The following SOS2 variants were observed in gnomAD, a reference collection of about 807,000 sequenced individuals.
SOS2 encodes SOS Ras/Rho guanine nucleotide exchange factor 2, also known as son of sevenless homolog 2.
A neutral mutation model predicts 148.2 loss-of-function variants in SOS2; 65 were observed. The ratio of observed to expected loss-of-function variants is 0.44; its 90% CI spans 0.36 to 0.54. The LOEUF is 0.54. Ranked by LOEUF, SOS2 falls within the 20% of genes least tolerant of loss-of-function variation. SOS2 has a pLI of 0.00. For missense variants in SOS2, 1,341 were observed against 1,590.2 expected (o/e 0.84, Z 2.67); for synonymous variants, 539 against 537.1 (o/e 1.00, Z -0.05).
In SOS2 at chr14:50,120,291, T is replaced by C; in HGVS notation, c.3473A>G (p.Asp1158Gly). 5 of 1,580,162 alleles carry C rather than the reference T, an allele frequency of 3.2e-6. No individual in the cohort carries two copies. The highest frequency in any genetic ancestry group is 1.1e-5 in the South Asian group (1 of 89,450). The change falls in exon 22 of 23, where the codon GAT (aspartate) becomes GGT (glycine). Residue 1158 changes from aspartate (D) to glycine (G), a missense_variant. Asp to Gly is a moderately conservative substitution (Grantham distance 94). Coordinates refer to ENST00000216373, the MANE Select transcript of SOS2 (RefSeq NM_006939.4). Reference protein sequence around the residue: ...PLPPRKKFDHDASNSKGNMKS... With the variant: ...PLPPRKKFDHGASNSKGNMKS... ...GTTGATTACCTTGGAATTTGAAGCA[T>C]CATGATCAAACTTTTTTCGAGGAGG...
intron 18 of SOS2, among the ~76,000 whole-genome samples, chr14:50,138,183 G>A (rs1884147683): frequency 6.6e-6 from 1 of 150,804 alleles, no homozygotes; most frequent in South Asian, 2.1e-4. Flanking sequence ...TGAGACAGAA[G>A]TCTTACTGTG....
intron 13 of SOS2, among the ~76,000 whole-genome samples, chr14:50,151,735 GTTTAT>G (rs779736302): frequency 2.8e-4 from 43 of 151,906 alleles, no homozygotes; most frequent in Non-Finnish European, 4.7e-4. Flanking sequence ...TTTGTTTTTT[GTTTAT>G]TTTGAGACAG....
At chr14:50,141,060 C>A (rs1214683778) in intron 16 of SOS2, among the ~76,000 whole-genome samples, 1 of 151,436 alleles carries the variant, frequency 6.6e-6, no homozygotes. Context: ...AAAAATTAGC[C>A]GGGCGTGGTG....
intron 1 of SOS2, chr14:50,215,562 C>G: frequency 1.1e-6 from 1 of 946,058 alleles, no homozygotes; most frequent in Middle Eastern, 2.7e-4. Context: ...CAAGTCAGAC[C>G]TGTATTTTAG....
In SOS2 at chr14:50,129,927, C is replaced by T. The variant is rs777063804; in HGVS notation, c.3379+34G>A. 3.0e-6 allele frequency: 4 copies of T among 1,344,996 alleles called. No individual in the cohort carries two copies. The African/African-American group carries it at 5.8e-5, about 20-fold the overall frequency. The allele number at this position is 1,344,996 out of a possible 1,614,324, so 83.3% of individuals were successfully genotyped here. A position where few individuals can be genotyped will look rare whatever the true frequency, so the allele number is the denominator to read the frequency against. On this transcript the variant is annotated intron_variant, in intron 21 of 22. Transcript: ENST00000216373. ...TCAACCAGATTATTATCTTTACAGT[C>T]ATTTCATTAAGAATCAACTTAAATT...
chr14:50,191,089 A>T (rs1886119479), intron 4 of SOS2, among the ~76,000 whole-genome samples: 1 of 152,084 alleles, frequency 6.6e-6, no homozygotes. Context: ...TCTAGTGTCA[A>T]ATCTAATGGT....
chr14:50,167,652 T>C (rs1431701503), intron 8 of SOS2, among the ~76,000 whole-genome samples: 1 of 152,126 alleles, frequency 6.6e-6, no homozygotes, highest in Non-Finnish European at 1.5e-5. Flanking sequence ...GAGGATCACC[T>C]GAAATCAGGA....
chr14:50,161,543 T>C lies in SOS2; in HGVS notation c.1135A>G (p.Met379Val). The change falls in exon 9 of 23, where the codon ATG becomes GTG. Residue 379 changes from methionine (M) to valine (V), a missense_variant. Physicochemically the swap from Met to Val is conservative, Grantham distance 21 (BLOSUM62 1). Around this residue, in one of 4 missense-constraint regions of SOS2, gnomAD observed 574 missense variants for 711.1 expected, o/e 0.81. Transcript: ENST00000216373. ...ECLNQAITAL[M>V]NLQGSMDRIY... ...CGGTCCATGCTACCTTGGAGATTCATGAGAGCAGTAATAGCTTGGTTCAAA... is the reference window on the plus strand; with the variant it reads ...CGGTCCATGCTACCTTGGAGATTCACGAGAGCAGTAATAGCTTGGTTCAAA... 1 of 1,610,656 alleles carries C rather than the reference T, an allele frequency of 6.2e-7. No homozygotes were observed. The highest frequency in any genetic ancestry group is 8.5e-7 in the Non-Finnish European group (1 of 1,176,900).
intron 18 of SOS2, among the ~76,000 whole-genome samples, chr14:50,136,676 G>C (rs910028955): frequency 8.0e-5 from 12 of 149,594 alleles, no homozygotes; most frequent in African/African-American, 2.7e-4. Context: ...TGCAACATTT[G>C]CCTTCTGGGT....
intron 1 of SOS2, among the ~76,000 whole-genome samples, chr14:50,217,861 CA>C (rs1887080247): frequency 6.6e-6 from 1 of 151,966 alleles, no homozygotes; most frequent in East Asian, 1.9e-4. Flanking sequence ...GAGGCTGAGG[CA>C]GGAGAATGGT....
chr14:50,136,307 G>C (rs1466139671), intron 18 of SOS2, among the ~76,000 whole-genome samples: 1 of 152,110 alleles, frequency 6.6e-6, no homozygotes, highest in African/African-American at 2.4e-5. Context: ...TATTTTGTTT[G>C]ACTCAATCAT....
In SOS2 at chr14:50,159,682, T is replaced by G; in HGVS notation, c.1601A>C (p.Asn534Thr). 2 of 1,614,132 alleles carry G rather than the reference T, an allele frequency of 1.2e-6. No homozygotes were observed. Among genetic ancestry groups the G allele is most frequent in the Non-Finnish European group, 8.5e-7 (1 of 1,179,994 alleles). ...FAAKSAEEKNNWMAALISLHY... is the reference protein window; with the variant it reads ...FAAKSAEEKNTWMAALISLHY... ...AAGAGAAATAAGGGCTGCCATCCAGTTGTTTTTTTCTTCAGCAGACTTAGC... is the reference window on the plus strand; with the variant it reads ...AAGAGAAATAAGGGCTGCCATCCAGGTGTTTTTTTCTTCAGCAGACTTAGC... Residue 534 changes from asparagine to threonine, a missense_variant, in exon 10 of 23, where the codon AAC becomes ACC. By Grantham distance (65) the Asn-to-Thr change is moderately conservative. Around this residue, in one of 4 missense-constraint regions of SOS2, gnomAD observed 574 missense variants for 711.1 expected, o/e 0.81. Coordinates refer to ENST00000216373, the MANE Select transcript of SOS2 (RefSeq NM_006939.4).
At chr14:50,140,735 G>A (rs577247744) in intron 16 of SOS2, among the ~76,000 whole-genome samples, 2 of 151,696 alleles carry the variant, frequency 1.3e-5, no homozygotes, top group South Asian at 4.2e-4. Context: ...GCTAGAGATT[G>A]GAAAGAAAAA....
At chr14:50,193,754 T>A (rs972414698) in intron 4 of SOS2, among the ~76,000 whole-genome samples, 1 of 148,068 alleles carries the variant, frequency 6.8e-6, no homozygotes, top group Admixed American at 6.8e-5. Flanking sequence ...TCATCGGGAT[T>A]TTTTTTTTTT....
chr14:50,149,763 G>A (rs1034741525), intron 14 of SOS2, among the ~76,000 whole-genome samples: 2 of 152,152 alleles, frequency 1.3e-5, no homozygotes, highest in African/African-American at 2.4e-5. Flanking sequence ...GAGTTGAAGA[G>A]GGGTGGTGGA....
At chr14:50,153,533 A>C (rs2139605782) in intron 12 of SOS2, among the ~76,000 whole-genome samples, 1 of 152,324 alleles carries the variant, frequency 6.6e-6, no homozygotes, top group Middle Eastern at 3.4e-3. Context: ...TAAGATTTAA[A>C]TTTTGGTACT....
intron 22 of SOS2, 94 bp downstream of exon 22, chr14:50,120,181 A>C (rs1883456162): frequency 3.2e-6 from 2 of 620,230 alleles, no homozygotes; most frequent in Admixed American, 6.6e-5. Flanking sequence ...CATAAATGGT[A>C]GCCAAAGTAT....
At chr14:50,172,674 T>A (rs919071347) in intron 8 of SOS2, among the ~76,000 whole-genome samples, 22 of 152,166 alleles carry the variant, frequency 1.4e-4, no homozygotes, top group African/African-American at 5.1e-4. Flanking sequence ...TGGCTCTCTT[T>A]ATTCATTCTT....
rs764413241 is a variant in SOS2, at chr14:50,145,195, A to G, written c.2642T>C (p.Val881Ala). 6.2e-7 allele frequency: 1 copy of G among 1,609,784 alleles called. No individual in the cohort carries two copies. Among genetic ancestry groups the G allele is most frequent in the Non-Finnish European group, 8.5e-7 (1 of 1,177,664 alleles). ...CTCAAAGGTATGGTCTAGTCTGTAT[A>G]CTGACACTGAATTTACTGCACTGAC... is the stretch of plus-strand genomic sequence containing the variant. The part of the protein sequence containing the change: ...EIVSAVNSVS[V>A]YRLDHTFEAL... The change falls in exon 16 of 23, where the codon GTA becomes GCA. Residue 881 changes from valine to alanine, a missense_variant. By Grantham distance (64) the Val-to-Ala change is moderately conservative. Coordinates refer to ENST00000216373, the MANE Select transcript of SOS2 (RefSeq NM_006939.4).
Sources: allele counts gnomAD v4.1 joint callset (sites outside exome capture counted in the v4.1 genomes callset), GRCh38; gene constraint gnomAD v4.1.1; regional missense constraint gnomAD v4.1.1; transcripts MANE v1.5; gene names NCBI Gene and HGNC (gene_info 2026-07-23, HGNC 2026-07-21).